ASAP1: variants seen among roughly 807,000 people sequenced by gnomAD.
The protein encoded by ASAP1 is arf-GAP with SH3 domain, ANK repeat and PH domain-containing protein 1.
A neutral mutation model predicts 145.2 loss-of-function variants in ASAP1; 43 were observed. The observed-to-expected ratio is 0.30, with a 90% CI of 0.23 to 0.38. The LOEUF (loss-of-function observed/expected upper bound fraction) is 0.38, where lower values mean the gene tolerates loss of function less well. ASAP1 is among the 10% of genes least tolerant of loss of function. The pLI is 1.00. For synonymous variants in ASAP1, 546 were observed against 515.5 expected (o/e 1.06, Z -0.80); for missense variants, 1,018 against 1,355.3 (o/e 0.75, Z 3.91).
rs550930065 is a variant in ASAP1 at position 130,414,113 on chromosome 8, G to A, written c.-27-12143C>T. Among the ~76,000 whole-genome samples the A allele has an allele frequency of 1.1e-4, 16 of 152,314 alleles. 1 individual carries two copies. In the South Asian group the frequency reaches 3.3e-3, roughly 32 times the overall value. ...GGACATAGTAGCAGCTTCTGGTTTT[G>A]AGGATGAACAGGAGTACACCAGACA... On this transcript the variant is annotated intron_variant, in intron 1 of 29. Coordinates refer to ENST00000518721, the MANE Select transcript of ASAP1 (RefSeq NM_018482.4).
intron 1 of ASAP1, among the ~76,000 whole-genome samples, chr8:130,441,640 G>A (rs756775526): frequency 6.6e-5 from 10 of 152,210 alleles, no homozygotes; most frequent in African/African-American, 9.6e-5. Flanking sequence ...TCACAAGGGA[G>A]GGCTCAATCT....
At chr8:130,154,141 G>A (rs753893920) in intron 12 of ASAP1, among the ~76,000 whole-genome samples, 1 of 152,202 alleles carries the variant, frequency 6.6e-6, no homozygotes, top group African/African-American at 2.4e-5. Flanking sequence ...GCTCAAGAAT[G>A]CATCATCATT....
intron 9 of ASAP1, among the ~76,000 whole-genome samples, chr8:130,177,872 T>C (rs1365136234): frequency 1.3e-5 from 2 of 152,214 alleles, no homozygotes; most frequent in Non-Finnish European, 2.9e-5. Flanking sequence ...GCACTCCACA[T>C]GCATTCTTTT....
chr8:130,139,444 G>A (rs2097604185), intron 13 of ASAP1, among the ~76,000 whole-genome samples: 1 of 152,158 alleles, frequency 6.6e-6, no homozygotes, highest in Admixed American at 6.5e-5. Context: ...TTTTTAAGCT[G>A]ACCAGGCGTG....
intron 23 of ASAP1, 152 bp downstream of exon 23, chr8:130,115,476 G>T (rs1013709151): frequency 1.5e-6 from 1 of 650,376 alleles, no homozygotes; most frequent in East Asian, 2.6e-5. Context: ...GCTGTTAAAT[G>T]GTGCCCAATA....
intron 20 of ASAP1, among the ~76,000 whole-genome samples, chr8:130,117,219 AT>A (rs2097557697): frequency 1.3e-5 from 2 of 152,224 alleles, no homozygotes; most frequent in African/African-American, 4.8e-5. Flanking sequence ...GTTTCTTAAC[AT>A]TTACATGTAT....
In ASAP1 at chr8:130,239,064, C is replaced by T. The variant is rs551968495; in HGVS notation, c.187-2070G>A. Among the ~76,000 whole-genome samples the T allele has an allele frequency of 1.1e-4, 16 of 152,080 alleles. 1 individual carries two copies. In the East Asian group the frequency reaches 1.2e-3, roughly 11 times the overall value. ...TACAATAAATGAAAAACCAGGATCA[C>T]TTACCATTGATAGAAGACACTTTGA... On this transcript the variant is annotated intron_variant, in intron 3 of 29. Coordinates refer to ENST00000518721, the MANE Select transcript of ASAP1 (RefSeq NM_018482.4).
chr8:130,258,955 C>T (rs1041542859), intron 3 of ASAP1, among the ~76,000 whole-genome samples: 4 of 152,150 alleles, frequency 2.6e-5, no homozygotes, highest in Non-Finnish European at 5.9e-5. Context: ...AAGGCCTTTT[C>T]CCTATTTGCC....
At chr8:130,099,123 C>T (rs28752214) in intron 24 of ASAP1, among the ~76,000 whole-genome samples, 34,558 of 150,728 alleles carry the variant, frequency 0.23, 4,265 homozygotes, top group South Asian at 0.37. Context: ...AAGTGATCCT[C>T]CTACCTCAGT....
chr8:130,284,281 T>C (rs987018717), intron 3 of ASAP1, among the ~76,000 whole-genome samples: 1 of 152,010 alleles, frequency 6.6e-6, no homozygotes, highest in Admixed American at 6.6e-5. Context: ...GCAATAAAAG[T>C]AGGAAAATGA....
chr8:130,403,291 TG>T (rs1345320112), intron 1 of ASAP1, among the ~76,000 whole-genome samples: 2 of 133,192 alleles, frequency 1.5e-5, no homozygotes, highest in Non-Finnish European at 3.2e-5. Context: ...CTTTAACAAG[TG>T]TTTTTTTTTA....
At chr8:130,263,067 G>A (rs1268894918) in intron 3 of ASAP1, among the ~76,000 whole-genome samples, 3 of 152,284 alleles carry the variant, frequency 2.0e-5, no homozygotes, top group South Asian at 2.1e-4. Context: ...TTACTAATAC[G>A]AATATGAATT....
At chr8:130,355,195 C>T (rs757315668) in intron 3 of ASAP1, among the ~76,000 whole-genome samples, 7 of 152,166 alleles carry the variant, frequency 4.6e-5, no homozygotes, top group Non-Finnish European at 8.8e-5. Context: ...CCATATATTT[C>T]TCATCTACTT....
At chr8:130,072,824 T>TGTGTGTGTGCGCGC in intron 27 of ASAP1, among the ~76,000 whole-genome samples, 2 of 32,308 alleles carry the variant, frequency 6.2e-5, no homozygotes, top group African/African-American at 2.4e-4. Context: ...TGTGTGTGTG[T>TGTGTGTGTGCGCGC]GCGCGCGGGG....
chr8:130,360,143 CT>C (rs1826643313), intron 2 of ASAP1, among the ~76,000 whole-genome samples: 1 of 152,210 alleles, frequency 6.6e-6, no homozygotes, highest in South Asian at 2.1e-4. Flanking sequence ...TGAAGCTTAC[CT>C]TCTAGGACAG....
chr8:130,139,850 C>T (rs184375565), intron 13 of ASAP1, among the ~76,000 whole-genome samples: 97 of 150,410 alleles, frequency 6.4e-4, no homozygotes, highest in Middle Eastern at 3.4e-3. Flanking sequence ...TTTAATTCTC[C>T]CAAAATCTAG....
chr8:130,192,471 A>G (rs1254516406), intron 5 of ASAP1, among the ~76,000 whole-genome samples: 1 of 152,090 alleles, frequency 6.6e-6, no homozygotes, highest in Non-Finnish European at 1.5e-5. Context: ...CTCACCCTCT[A>G]TTCTACACAG....
At chr8:130,426,442 T>C (rs1295418256) in intron 1 of ASAP1, among the ~76,000 whole-genome samples, 1 of 149,588 alleles carries the variant, frequency 6.7e-6, no homozygotes, top group Non-Finnish European at 1.5e-5. Context: ...GCCAAGCTCA[T>C]ATCATTCTTC....
At chr8:130,243,679 T>A (rs62525889) in intron 3 of ASAP1, among the ~76,000 whole-genome samples, 28,822 of 152,054 alleles carry the variant, frequency 0.19, 3,260 homozygotes, top group East Asian at 0.44. Flanking sequence ...TCTCCTGAAA[T>A]CTTTTTCTTA....
Sources: allele counts gnomAD v4.1 joint callset (sites outside exome capture counted in the v4.1 genomes callset), GRCh38; gene constraint gnomAD v4.1.1; transcripts MANE v1.5; gene names NCBI Gene and HGNC (gene_info 2026-07-23, HGNC 2026-07-21).